ROCK1: variants seen among roughly 807,000 people sequenced by gnomAD.
ROCK1 encodes Rho associated coiled-coil containing protein kinase 1.
A neutral mutation model predicts 196.8 loss-of-function variants in ROCK1; 36 were observed. The observed-to-expected ratio is 0.18, with a 90% confidence interval of 0.14 to 0.24. The LOEUF is 0.24. Ranked by LOEUF, ROCK1 falls within the 10% of genes least tolerant of loss-of-function variation. The pLI is 1.00. For missense variants in ROCK1, 920 were observed against 1,562.0 expected (o/e 0.59, Z 6.93); for synonymous variants, 443 against 515.9 (o/e 0.86, Z 1.91).
chr18:20,996,603 C>T (rs1174816578), intron 16 of ROCK1, among the ~76,000 whole-genome samples: 1 of 152,018 alleles, frequency 6.6e-6, no homozygotes, highest in Non-Finnish European at 1.5e-5. Context: ...AGCACAGTTC[C>T]AGGGTGGTGG....
intron 27 of ROCK1, among the ~76,000 whole-genome samples, chr18:20,966,291 G>A (rs967876927): frequency 7.2e-5 from 11 of 152,150 alleles, no homozygotes; most frequent in Non-Finnish European, 1.5e-4. Flanking sequence ...GAATGAGGTT[G>A]TGTTTATTTT....
chr18:21,064,924 T>C (rs557580909), intron 2 of ROCK1, among the ~76,000 whole-genome samples: 11 of 152,340 alleles, frequency 7.2e-5, no homozygotes, highest in African/African-American at 2.6e-4. Context: ...TTAGGCAGTT[T>C]TGCCTCTCAA....
chr18:20,961,147 T>C (rs1289348601), intron 27 of ROCK1, among the ~76,000 whole-genome samples: 1 of 152,076 alleles, frequency 6.6e-6, no homozygotes, highest in Admixed American at 6.6e-5. Context: ...AATAAGAAAA[T>C]CCATTCAATT....
chr18:21,023,876 G>A (rs983519474), intron 10 of ROCK1, among the ~76,000 whole-genome samples, 196 bp from the exon 11 acceptor site: 2 of 152,016 alleles, frequency 1.3e-5, no homozygotes, highest in African/African-American at 4.8e-5. Flanking sequence ...ACCCAGTTAG[G>A]TCTAAAAATA....
At chr18:20,985,047 GC>G (rs1352020877) in intron 19 of ROCK1, among the ~76,000 whole-genome samples, 1 of 151,616 alleles carries the variant, frequency 6.6e-6, no homozygotes, top group Non-Finnish European at 1.5e-5. Flanking sequence ...GTTGCAGTGA[GC>G]CGAGATCACG....
intron 4 of ROCK1, among the ~76,000 whole-genome samples, chr18:21,046,325 T>C (rs1192381066): frequency 2.0e-5 from 3 of 152,354 alleles, no homozygotes; most frequent in South Asian, 2.1e-4. Context: ...CTTTTATACC[T>C]GCTGCTTAGT....
At chr18:20,970,560 T>A (rs771557005) in intron 22 of ROCK1, 47 bp from the exon 23 acceptor site, 5 of 1,277,326 alleles carry the variant, frequency 3.9e-6, no homozygotes, top group Non-Finnish European at 3.3e-6. Flanking sequence ...ATTCAGTTCA[T>A]CCTTCCAACT....
Position 21,042,216 on chromosome 18 carries a change from T to A in ROCK1, c.840A>T (p.Ala280=), listed in dbSNP as rs889041502. 4 of 1,582,818 alleles carry A rather than the reference T, an allele frequency of 2.5e-6. No individual in the cohort carries two copies. In the African/African-American group the frequency reaches 5.5e-5, roughly 22 times the overall value. Residue 280 remains alanine (A), a synonymous_variant, in exon 8 of 33, where the codon GCA becomes GCT. Transcript: ENST00000399799. ...TACTGTAAGTTCCAACCAAAGAATC[T>A]GCATAAAAAGGTGTATCACCTGAAA... ...EMLVGDTPFY[A]DSLVGTYSKI...
At chr18:21,106,849 T>G (rs1227096866) in intron 1 of ROCK1, among the ~76,000 whole-genome samples, 1 of 152,216 alleles carries the variant, frequency 6.6e-6, no homozygotes, top group Non-Finnish European at 1.5e-5. Flanking sequence ...AAATTACAGG[T>G]GTTCGAGAAA....
chr18:21,039,884 C>T (rs148205417), intron 8 of ROCK1, among the ~76,000 whole-genome samples: 1 of 151,974 alleles, frequency 6.6e-6, no homozygotes, highest in East Asian at 1.9e-4. Context: ...CACTGTGAAA[C>T]CCCATCTCTA....
intron 27 of ROCK1, among the ~76,000 whole-genome samples, chr18:20,964,749 T>C (rs1336496322): frequency 6.6e-6 from 1 of 152,164 alleles, no homozygotes; most frequent in Non-Finnish European, 1.5e-5. Flanking sequence ...AGTAGAAACA[T>C]TTAAAAATCT....
In ROCK1 at chr18:20,961,112, AAT is replaced by A. The variant is rs553484965; in HGVS notation, c.3353-908_3353-907del. Among the ~76,000 whole-genome samples, 24 of 152,322 alleles carry A rather than the reference AAT, an allele frequency of 1.6e-4. No individual in the cohort carries two copies. The East Asian group carries it at 4.6e-3, about 29-fold the overall frequency. On this transcript the variant is annotated intron_variant, in intron 27 of 32. Transcript: ENST00000399799. Reference sequence around the variant, plus strand: ...GGGGGATAAAGACAACTCCATTAGAAATAGTTATTTTAGATCAGGTTGGAAAT... The same window carrying A: ...GGGGGATAAAGACAACTCCATTAGAAAGTTATTTTAGATCAGGTTGGAAAT...
intron 2 of ROCK1, among the ~76,000 whole-genome samples, chr18:21,067,902 G>A (rs1375522433): frequency 1.3e-5 from 2 of 152,074 alleles, no homozygotes; most frequent in Non-Finnish European, 2.9e-5. Context: ...CATGATATGA[G>A]GTAGGAGTCC....
chr18:20,965,996 GTAATATCTGT>G (rs2035370855), intron 27 of ROCK1, among the ~76,000 whole-genome samples: 1 of 152,086 alleles, frequency 6.6e-6, no homozygotes, highest in Admixed American at 6.5e-5. Flanking sequence ...ACAATAACAA[GTAATATCTGT>G]TAAAACAGAA....
chr18:21,046,017 T>TCTCCTAC (rs1353591681), intron 4 of ROCK1, among the ~76,000 whole-genome samples: 12 of 148,062 alleles, frequency 8.1e-5, no homozygotes, highest in Admixed American at 4.1e-4. Flanking sequence ...TTCACGCCAT[T>TCTCCTAC]CTCCTACCTC....
At chr18:21,025,012 AT>A (rs2035944110) in intron 10 of ROCK1, among the ~76,000 whole-genome samples, 1 of 152,212 alleles carries the variant, frequency 6.6e-6, no homozygotes, top group South Asian at 2.1e-4. Flanking sequence ...TCTCTAAGAT[AT>A]TTTCTAAACT....
At chr18:20,956,828 T>C (rs1351229799) in intron 29 of ROCK1, among the ~76,000 whole-genome samples, 1 of 151,848 alleles carries the variant, frequency 6.6e-6, no homozygotes, top group Non-Finnish European at 1.5e-5. Context: ...TAAAAACCAA[T>C]CTTAAAAACA....
rs150157820 is a variant in ROCK1 at position 20,970,349 on chromosome 18, C to T, written c.2819G>A (p.Arg940Gln). 23 of 1,610,868 alleles carry T rather than the reference C, an allele frequency of 1.4e-5. No homozygotes were observed. The highest frequency in any genetic ancestry group is 4.0e-5 in the African/African-American group (3 of 74,854). ...EITDKDHTVS[R>Q]LEEANSMLTK... The stretch of plus-strand genomic sequence containing the variant: ...AACTTACCTGACTATCACACTTACC[C>T]GACTAACAGTGTGATCTTTATCTGT... The change falls in exon 23 of 33, where the codon CGG becomes CAG. Residue 940 changes from arginine to glutamine, a missense_variant and splice_region_variant. By Grantham distance (43) the Arg-to-Gln change is conservative. Around this residue, in one of 6 missense-constraint regions of ROCK1, gnomAD observed 520 missense variants for 657.1 expected, o/e 0.79. Coordinates refer to ENST00000399799, the MANE Select transcript of ROCK1 (RefSeq NM_005406.3).
intron 16 of ROCK1, among the ~76,000 whole-genome samples, chr18:21,000,165 G>T (rs1271909562): frequency 2.0e-5 from 3 of 152,170 alleles, no homozygotes; most frequent in African/African-American, 7.2e-5. Context: ...AAACAAAACA[G>T]TGTGGTACAT....
Sources: allele counts gnomAD v4.1 joint callset (sites outside exome capture counted in the v4.1 genomes callset), GRCh38; gene constraint gnomAD v4.1.1; regional missense constraint gnomAD v4.1.1; transcripts MANE v1.5; gene names NCBI Gene and HGNC (gene_info 2026-07-23, HGNC 2026-07-21).